Variants in SOX6 observed in about 807,000 individuals in gnomAD.
The protein encoded by SOX6 is SRY-box transcription factor 6.
A neutral mutation model predicts 97.8 loss-of-function variants in SOX6; 11 were observed. The ratio of observed to expected loss-of-function variants is 0.11; its 90% CI spans 0.07 to 0.19. The LOEUF is 0.19. SOX6 is among the 10% of genes least tolerant of loss of function. SOX6 has a pLI of 1.00. For synonymous variants in SOX6, 360 were observed against 371.4 expected, an observed-to-expected ratio of 0.97 and a Z score of 0.35; for missense variants, 810 against 1,039.5, an observed-to-expected ratio of 0.78 and a Z score of 3.04.
intron 2 of SOX6, among the ~76,000 whole-genome samples, chr11:16,327,256 G>A (rs914296059): frequency 2.0e-5 from 3 of 152,148 alleles, no homozygotes; most frequent in African/African-American, 7.2e-5. Context: ...AATGAATCAT[G>A]TATAAAGCAC....
intron 1 of SOX6, among the ~76,000 whole-genome samples, chr11:16,395,794 C>A (rs916158689): frequency 8.6e-5 from 13 of 151,686 alleles, no homozygotes; most frequent in African/African-American, 2.9e-4. Flanking sequence ...ATGCATGAGT[C>A]ATTATCACTA....
At chr11:16,500,813 T>C (rs1487233495) in intron 4 of SOX6, among the ~76,000 whole-genome samples, 4 of 151,992 alleles carry the variant, frequency 2.6e-5, no homozygotes, top group East Asian at 1.9e-4. Flanking sequence ...TAAAAGAGGA[T>C]ACAAACAAAT....
intron 4 of SOX6, among the ~76,000 whole-genome samples, chr11:16,225,207 A>G (rs1358792145): frequency 1.3e-5 from 2 of 152,022 alleles, no homozygotes; most frequent in Non-Finnish European, 2.9e-5. Context: ...ACTTTTTTCT[A>G]AAGAGACAGC....
chr11:16,322,836 A>G (rs888771353), intron 2 of SOX6, among the ~76,000 whole-genome samples: 4 of 152,198 alleles, frequency 2.6e-5, no homozygotes, highest in Non-Finnish European at 5.9e-5. Flanking sequence ...CCTTAATATT[A>G]CAATGTGAAT....
intron 4 of SOX6, among the ~76,000 whole-genome samples, chr11:16,535,117 A>G (rs945330788): frequency 2.6e-5 from 4 of 152,200 alleles, no homozygotes; most frequent in Admixed American, 6.5e-5. Context: ...TGAGATACTG[A>G]TGTTCACTCA....
chr11:16,107,049 CT>C, intron 7 of SOX6, among the ~76,000 whole-genome samples: 1 of 151,978 alleles, frequency 6.6e-6, no homozygotes, highest in Middle Eastern at 3.4e-3. Flanking sequence ...CACTTCACAC[CT>C]ACTGGGATGA....
At chr11:16,553,782 G>A (rs1302702107) in intron 4 of SOX6, among the ~76,000 whole-genome samples, 4 of 152,026 alleles carry the variant, frequency 2.6e-5, no homozygotes, top group South Asian at 2.1e-4. Flanking sequence ...GCATAAAGAC[G>A]GGATAGATGA....
chr11:16,100,162 G>A (rs184558108), intron 7 of SOX6, among the ~76,000 whole-genome samples: 1 of 151,902 alleles, frequency 6.6e-6, no homozygotes, highest in East Asian at 1.9e-4. Flanking sequence ...TTCTGTGTAA[G>A]TCAATCAAGA....
intron 9 of SOX6, among the ~76,000 whole-genome samples, chr11:16,064,185 C>A (rs1221393002): frequency 6.6e-6 from 1 of 151,554 alleles, no homozygotes; most frequent in Non-Finnish European, 1.5e-5. Context: ...AAAAAATTAA[C>A]CCCACATTAA....
intron 2 of SOX6, among the ~76,000 whole-genome samples, chr11:16,322,506 T>G (rs1369208096): frequency 1.3e-5 from 2 of 152,204 alleles, no homozygotes; most frequent in Non-Finnish European, 2.9e-5. Flanking sequence ...TCTCAGGTAT[T>G]TCTTTATAGC....
chr11:16,201,262 G>A (rs1262334348), intron 4 of SOX6, among the ~76,000 whole-genome samples: 1 of 152,158 alleles, frequency 6.6e-6, no homozygotes. Context: ...ACAATACCAG[G>A]TAAGCCAGGA....
chr11:16,623,877 G>C (rs77986726), intron 3 of SOX6, among the ~76,000 whole-genome samples: 3,960 of 152,164 alleles, frequency 0.026, 66 homozygotes, highest in Middle Eastern at 0.051. Flanking sequence ...TTTGTGTTCT[G>C]ATTTATTAAT....
chr11:16,301,988 C>A (rs974278141), intron 3 of SOX6, among the ~76,000 whole-genome samples: 1 of 152,104 alleles, frequency 6.6e-6, no homozygotes, highest in Non-Finnish European at 1.5e-5. Context: ...ACCATTAAAT[C>A]TCTCAGCTAG....
chr11:16,094,139 GT>G (rs1173468937), intron 9 of SOX6, among the ~76,000 whole-genome samples: 1 of 151,906 alleles, frequency 6.6e-6, no homozygotes, highest in East Asian at 1.9e-4. Context: ...TGCATTAATG[GT>G]TTACCTGTTT....
At chr11:16,263,960 T>G (rs1853985409) in intron 3 of SOX6, among the ~76,000 whole-genome samples, 1 of 151,936 alleles carries the variant, frequency 6.6e-6, no homozygotes, top group African/African-American at 2.4e-5. Flanking sequence ...CCAATGTTAT[T>G]TAGGTAGTCC....
intron 4 of SOX6, among the ~76,000 whole-genome samples, chr11:16,510,385 TC>T (rs1860860430): frequency 6.6e-6 from 1 of 152,036 alleles, no homozygotes; most frequent in African/African-American, 2.4e-5. Context: ...TTGTATTAAT[TC>T]AGCATCTGAT....
chr11:16,036,756 C>G (rs1483329103), intron 12 of SOX6, among the ~76,000 whole-genome samples: 3 of 152,078 alleles, frequency 2.0e-5, no homozygotes, highest in African/African-American at 7.2e-5. Flanking sequence ...TCAGAAAAAT[C>G]CAGATGGACC....
At chr11:16,055,679 A>G in intron 10 of SOX6, 73 bp downstream of exon 10, 34 of 1,594,004 alleles carry the variant, frequency 2.1e-5, no homozygotes, top group South Asian at 1.0e-4. Context: ...TATGCCCAAC[A>G]TAGCCTGCTT....
Position 16,299,212 on chromosome 11 carries a change from T to C in SOX6, c.445+19234A>G, listed in dbSNP as rs576153874. 7.0e-4 allele frequency among the ~76,000 whole-genome samples: 107 copies of C among 152,294 alleles called. 3 individuals are homozygous for C. In the Middle Eastern group the frequency reaches 0.048, roughly 68 times the overall value. ...AGTTCCATATTAATCAAATATGCATTCTACTGCACGAAAATAAAGTTACAT... is the reference window on the plus strand; with the variant it reads ...AGTTCCATATTAATCAAATATGCATCCTACTGCACGAAAATAAAGTTACAT... On this transcript the variant is annotated intron_variant, in intron 3 of 15. Coordinates refer to ENST00000683767, the MANE Select transcript of SOX6 (RefSeq NM_001367873.1).
Sources: allele counts gnomAD v4.1 joint callset (sites outside exome capture counted in the v4.1 genomes callset), GRCh38; gene constraint gnomAD v4.1.1; transcripts MANE v1.5; gene names NCBI Gene and HGNC (gene_info 2026-07-23, HGNC 2026-07-21).